ARHGAP45: variants seen among roughly 807,000 people sequenced by gnomAD.
ARHGAP45 encodes Rho GTPase activating protein 45.
Under a neutral mutation model 116.1 loss-of-function variants are expected in ARHGAP45, and 56 were observed. The observed-to-expected ratio is 0.48, with a 90% CI of 0.39 to 0.60. ARHGAP45 has a LOEUF of 0.60. ARHGAP45 is among the 20% of genes least tolerant of loss of function. The probability of loss-of-function intolerance (pLI) is 0.00; values close to 1 mark genes in which losing one functional copy is unlikely to be tolerated. For missense variants in ARHGAP45, 1,622 were observed against 1,601.0 expected, an observed-to-expected ratio of 1.01 and a Z score of -0.22; for synonymous variants, 866 against 701.7, an observed-to-expected ratio of 1.23 and a Z score of -3.70.
chr19:1,086,061 C>G lies in ARHGAP45; in HGVS notation c.*55C>G, dbSNP rs190907000. 252 of 1,454,334 alleles carry G rather than the reference C, an allele frequency of 1.7e-4. No homozygotes were observed. The highest frequency in any genetic ancestry group is 8.3e-4 in the South Asian group (68 of 81,560). The allele number at this position is 1,454,334 out of a possible 1,614,324, so 90.1% of individuals were successfully genotyped here. On this transcript the variant is annotated 3_prime_UTR_variant, in exon 23 of 23. Transcript: ENST00000313093. Reference sequence around the variant, plus strand: ...TTCTCTCTTGCCTGCTCCTGTCCCTCCAGCACGTCCCCTGCACCACGGCAT... The same window carrying G: ...TTCTCTCTTGCCTGCTCCTGTCCCTGCAGCACGTCCCCTGCACCACGGCAT...
intron 11 of ARHGAP45, 80 bp downstream of exon 11, chr19:1,078,125 C>A: frequency 1.4e-6 from 2 of 1,456,778 alleles, no homozygotes; most frequent in South Asian, 2.8e-5. Flanking sequence ...TACCTCCAGA[C>A]CTTTGTTTTT....
rs141406247 is a variant in ARHGAP45, at chr19:1,068,647, C to T, written c.324C>T (p.Ala108=). ...CGGGCGAGCTGCCCACCGAGGGTGC[C>T]GGCCCGGACGTCGTCGAGGACATCT... ...ASPGELPTEG[A]GPDVVEDISH... Residue 108 remains alanine, a synonymous_variant, in exon 2 of 23, where the codon GCC becomes GCT. Coordinates refer to ENST00000313093, the MANE Select transcript of ARHGAP45 (RefSeq NM_012292.5). This position sits in a 1 kb window ranked among gnomAD's most constrained non-coding sequence, Gnocchi z 7.5. 345 of 1,612,538 alleles carry T rather than the reference C, an allele frequency of 2.1e-4. No individual in the cohort carries two copies. Among genetic ancestry groups the T allele is most frequent in the East Asian group, 8.0e-4 (36 of 44,880 alleles).
At chr19:1,084,128 G>A in intron 21 of ARHGAP45, 110 bp from the exon 22 acceptor site, 2 of 996,858 alleles carry the variant, frequency 2.0e-6, no homozygotes, top group Non-Finnish European at 1.6e-6. Context: ...AGACCGCCTG[G>A]GCAACAGCGG....
chr19:1,073,783 T>G (rs776216457), intron 5 of ARHGAP45, 37 bp downstream of exon 5: 1 of 1,558,414 alleles, frequency 6.4e-7, no homozygotes, highest in African/African-American at 1.4e-5. Flanking sequence ...GTGTCCAGCT[T>G]CTGGAGGCCA....
In ARHGAP45 at chr19:1,079,690, G is replaced by A. The variant is rs371872778; in HGVS notation, c.1375-13G>A. On this transcript the variant is annotated splice_polypyrimidine_tract_variant and intron_variant, in intron 11 of 22. Coordinates refer to ENST00000313093, the MANE Select transcript of ARHGAP45 (RefSeq NM_012292.5). ...GCTGAGGCCTCTCTCTGTGCGCCCC[G>A]CCCCCACCGCAGGCGGAGGAAGCTA... 7 of 1,611,902 alleles carry A rather than the reference G, an allele frequency of 4.3e-6. No individual in the cohort carries two copies. The African/African-American group carries it at 5.3e-5, about 12-fold the overall frequency.
intron 5 of ARHGAP45, 75 bp downstream of exon 5, chr19:1,073,821 C>T: frequency 2.0e-6 from 3 of 1,533,602 alleles, no homozygotes; most frequent in East Asian, 2.4e-5. Context: ...AGGGCCCAGA[C>T]AGTCACCCTG....
At chr19:1,075,762 A>G (rs2145041390) in intron 10 of ARHGAP45, among the ~76,000 whole-genome samples, 1 of 152,302 alleles carries the variant, frequency 6.6e-6, no homozygotes, top group South Asian at 2.1e-4. Flanking sequence ...TACAGGCACC[A>G]GCCATCACAC....
chr19:1,081,165 A>G, intron 17 of ARHGAP45, 101 bp downstream of exon 17: 1 of 1,333,114 alleles, frequency 7.5e-7, no homozygotes, highest in Non-Finnish European at 1.0e-6. Flanking sequence ...GGCCCAGAGC[A>G]GGGAGCAGTC....
intron 17 of ARHGAP45, 90 bp downstream of exon 17, chr19:1,081,154 C>A (rs2043422720): frequency 2.1e-6 from 3 of 1,397,000 alleles, no homozygotes; most frequent in South Asian, 1.4e-5. Flanking sequence ...CAGGAATGTC[C>A]GGCCCAGAGC....
intron 19 of ARHGAP45, 110 bp downstream of exon 19, chr19:1,082,071 G>A (rs2043454329): frequency 8.5e-7 from 1 of 1,177,846 alleles, no homozygotes; most frequent in Admixed American, 2.6e-5. Flanking sequence ...GAGCAGGACT[G>A]GCGCAAGCGG....
chr19:1,082,805 C>T, intron 19 of ARHGAP45, 35 bp from the exon 20 acceptor site: 3 of 1,449,306 alleles, frequency 2.1e-6, no homozygotes, highest in East Asian at 2.5e-5. Context: ...CTGGGCCAGG[C>T]CCACCAACAC....
chr19:1,076,174 G>A (rs1293624687), intron 10 of ARHGAP45, among the ~76,000 whole-genome samples: 1 of 152,158 alleles, frequency 6.6e-6, no homozygotes, highest in African/African-American at 2.4e-5. Flanking sequence ...AGGGATCAGT[G>A]CCCAAAATAG....
chr19:1,072,367 CT>C lies in ARHGAP45; in HGVS notation c.422-776del, dbSNP rs551289633. 3.8e-3 allele frequency among the ~76,000 whole-genome samples: 582 copies of C among 152,286 alleles called. 4 individuals are homozygous for C. The highest frequency in any genetic ancestry group is 0.01 in the Middle Eastern group (3 of 294). On this transcript the variant is annotated intron_variant, in intron 2 of 22. Transcript: ENST00000313093. ...GAGGCACTGTGCTTGGCCCTCTCTGCTTTTTTCTTCTTCCAATTGAGAACGT... is the reference window on the plus strand; with the variant it reads ...GAGGCACTGTGCTTGGCCCTCTCTGCTTTTTCTTCTTCCAATTGAGAACGT...
In ARHGAP45 at chr19:1,068,411, A is replaced by G; in HGVS notation, c.91-3A>G. On this transcript the variant is annotated splice_polypyrimidine_tract_variant and splice_region_variant and intron_variant, in intron 1 of 22. Coordinates refer to ENST00000313093, the MANE Select transcript of ARHGAP45 (RefSeq NM_012292.5). The surrounding 1 kb of genome is among the most constrained non-coding windows in gnomAD (Gnocchi z 7.5). Reference sequence around the variant, plus strand: ...TAACGAGCTCCCCTCGGACCTGCCCAAGGAGCTGCCCAGGAAGGATGGGGC... The same window carrying G: ...TAACGAGCTCCCCTCGGACCTGCCCGAGGAGCTGCCCAGGAAGGATGGGGC... 6.5e-7 allele frequency: 1 copy of G among 1,549,706 alleles called. No individual in the cohort carries two copies. The highest frequency in any genetic ancestry group is 8.7e-7 in the Non-Finnish European group (1 of 1,146,232).
rs575555041 is a variant in ARHGAP45 at position 1,073,541 on chromosome 19, C to A, written c.601C>A (p.Gln201Lys). ...HYESNNDLEK[Q>K]EFEKALETIA... ...TGAGAGCAACAATGATCTGGAGAAA[C>A]AGGAGTTCGAGAAGGCCCTGGAGAC... Residue 201 changes from glutamine to lysine, a missense_variant, in exon 4 of 23, where the codon CAG (glutamine) becomes AAG (lysine). Gln to Lys is a moderately conservative substitution (Grantham distance 53, BLOSUM62 1). Transcript: ENST00000313093. The A allele has an allele frequency of 2.0e-5, 33 of 1,613,918 alleles. No homozygotes were observed. In the South Asian group the frequency reaches 3.3e-4, roughly 16 times the overall value.
At chr19:1,081,782 G>T in intron 18 of ARHGAP45, 42 bp from the exon 19 acceptor site, 1 of 1,575,826 alleles carries the variant, frequency 6.3e-7, no homozygotes. Flanking sequence ...AGGCGGGAGT[G>T]GGCCGAGGCT....
intron 17 of ARHGAP45, 46 bp from the exon 18 acceptor site, chr19:1,081,504 A>G: frequency 1.4e-6 from 2 of 1,436,270 alleles, no homozygotes; most frequent in Non-Finnish European, 1.8e-6. Flanking sequence ...GGCTGCGCTG[A>G]GCTGGGCGCC....
chr19:1,082,271 TGCGGGG>T (rs1205066166), intron 19 of ARHGAP45, among the ~76,000 whole-genome samples: 2 of 13,292 alleles, frequency 1.5e-4, no homozygotes, highest in East Asian at 1.3e-3. Flanking sequence ...CCTGACGCTG[TGCGGGG>T]GCGGGGCCGG....
At position 1,079,789 on chromosome 19, in the gene ARHGAP45, G is replaced by C. The variant is rs764838805; in HGVS notation, c.1461G>C (p.Ala487=). The C allele has an allele frequency of 1.9e-6, 3 of 1,610,914 alleles. No homozygotes were observed. In the Admixed American group the frequency reaches 5.0e-5, roughly 27 times the overall value. Residue 487 remains alanine (A), a synonymous_variant, in exon 12 of 23, where the codon GCG becomes GCC. Transcript: ENST00000313093. ...AGCTGGAGGATACCAAGGTGACGGC[G>C]CTGCGGCAGATCCAGGAGGTCATCC... ...KQELEDTKVT[A]LRQIQEVIRQ... is the part of the protein sequence containing the mutation.
Sources: allele counts gnomAD v4.1 joint callset (sites outside exome capture counted in the v4.1 genomes callset), GRCh38; gene constraint gnomAD v4.1.1; non-coding constraint Gnocchi (gnomAD v3.1); transcripts MANE v1.5; gene names NCBI Gene and HGNC (gene_info 2026-07-23, HGNC 2026-07-21).